The following DDIAS variants were observed in gnomAD, a reference collection of about 807,000 sequenced individuals.
The protein encoded by DDIAS is DNA damage-induced apoptosis suppressor protein.
A neutral mutation model predicts 15.7 loss-of-function variants in DDIAS; 14 were observed. That is an observed-to-expected ratio of 0.89 (90% CI 0.59 to 1.39). The LOEUF (loss-of-function observed/expected upper bound fraction) is 1.39, where lower values mean the gene tolerates loss of function less well. Among genes scored for constraint, DDIAS ranks in the 40% most tolerant of loss-of-function variants. The pLI is 0.00. For missense variants in DDIAS, 1,035 were observed against 1,130.9 expected (o/e 0.92, Z 1.22); for synonymous variants, 355 against 395.9 (o/e 0.90, Z 1.23).
intron 1 of DDIAS, among the ~76,000 whole-genome samples, chr11:82,905,761 C>A (rs1009942020): frequency 6.6e-6 from 1 of 152,134 alleles, no homozygotes; most frequent in African/African-American, 2.4e-5. Flanking sequence ...ACACTATCCC[C>A]ACCTAGCATT....
chr11:82,910,607 T>TCTCTCTC (rs1491398521), intron 1 of DDIAS, among the ~76,000 whole-genome samples: 1 of 22,944 alleles, frequency 4.4e-5, no homozygotes, highest in African/African-American at 3.2e-4. Context: ...TCTCTCTCTC[T>TCTCTCTC]TTTTTTTTTT....
intron 4 of DDIAS, among the ~76,000 whole-genome samples, chr11:82,929,249 G>T (rs1022766770): frequency 6.6e-6 from 1 of 152,206 alleles, no homozygotes; most frequent in Non-Finnish European, 1.5e-5. Context: ...CCAAATTGAG[G>T]TTAGCATTGA....
chr11:82,924,398 G>T (rs1402033377), intron 3 of DDIAS, among the ~76,000 whole-genome samples: 1 of 152,118 alleles, frequency 6.6e-6, no homozygotes, highest in Non-Finnish European at 1.5e-5. Context: ...GTTTTTTGTG[G>T]GGAGAGAGTG....
chr11:82,925,434 C>T (rs1860838869), intron 3 of DDIAS, among the ~76,000 whole-genome samples: 1 of 151,986 alleles, frequency 6.6e-6, no homozygotes, highest in Admixed American at 6.6e-5. Context: ...CCCATCTCTA[C>T]AAAAAAATTT....
At chr11:82,917,829 T>G (rs1205803779) in intron 3 of DDIAS, among the ~76,000 whole-genome samples, 2 of 152,214 alleles carry the variant, frequency 1.3e-5, no homozygotes, top group African/African-American at 4.8e-5. Context: ...ATTTTTTGAT[T>G]ATGGCCATTC....
chr11:82,932,038 A>G lies in DDIAS; in HGVS notation c.700A>G (p.Thr234Ala), dbSNP rs1043930301. The part of the protein sequence containing the change: ...SDFFKSCSKD[T>A]FSKFWQPSLE... ...TTTTTTCAAGTCCTGCAGCAAGGAT[A>G]CTTTTTCAAAATTCTGGCAGCCATC... Residue 234 changes from threonine to alanine, a missense_variant, in exon 6 of 6, where the codon ACT becomes GCT. Transcript: ENST00000533655. 4.3e-6 allele frequency: 7 copies of G among 1,614,154 alleles called. No individual in the cohort carries two copies. Among genetic ancestry groups the G allele is most frequent in the Non-Finnish European group, 5.9e-6 (7 of 1,180,022 alleles).
Position 82,934,480 on chromosome 11 carries a change from T to C in DDIAS, c.*145T>C. The stretch of plus-strand genomic sequence containing the variant: ...CTCTGCTGGGAGCTACTGTGCCTTT[T>C]AAAATATAAAGCCATTGTTTTCCCC... On this transcript the variant is annotated 3_prime_UTR_variant, in exon 6 of 6. Coordinates refer to ENST00000533655, the MANE Select transcript of DDIAS (RefSeq NM_145018.4). 1 of 769,192 alleles carries C rather than the reference T, an allele frequency of 1.3e-6. No homozygotes were observed. Among genetic ancestry groups the C allele is most frequent in the Non-Finnish European group, 1.9e-6 (1 of 513,866 alleles). 47.6% of individuals were successfully genotyped at this position (769,192 alleles called of 1,614,324 possible).
At chr11:82,913,578 A>G in intron 2 of DDIAS, 192 bp downstream of exon 2, 2 of 346,978 alleles carry the variant, frequency 5.8e-6, no homozygotes, top group Non-Finnish European at 1.1e-5. Context: ...ATATTAAAAC[A>G]CTTTGAGCTA....
Position 82,932,879 on chromosome 11 carries a change from A to G in DDIAS, c.1541A>G (p.Asp514Gly). ...AGTGTTGAAAAGGAGTCACAACCAG[A>G]TAACAAAGTAGAGGCTGTCTCTGTA... Reference protein sequence around the residue: ...SPSVEKESQPDNKVEAVSVNH... With the variant: ...SPSVEKESQPGNKVEAVSVNH... The change falls in exon 6 of 6, where the codon GAT becomes GGT. Residue 514 changes from aspartate (D) to glycine (G), a missense_variant. Asp to Gly is a moderately conservative substitution (Grantham distance 94). Coordinates refer to ENST00000533655, the MANE Select transcript of DDIAS (RefSeq NM_145018.4). 1 of 1,613,342 alleles carries G rather than the reference A, an allele frequency of 6.2e-7. No homozygotes were observed. The highest frequency in any genetic ancestry group is 8.5e-7 in the Non-Finnish European group (1 of 1,179,820).
rs201671760 is a variant in DDIAS, at chr11:82,933,403, A to G, written c.2065A>G (p.Ile689Val). Reference protein sequence around the residue: ...LFDDIAKEMDIATEITKKSQD... With the variant: ...LFDDIAKEMDVATEITKKSQD... ...TGATGATATTGCTAAAGAAATGGAC[A>G]TTGCAACTGAGATTACCAAAAAATC... Residue 689 changes from isoleucine to valine, a missense_variant, in exon 6 of 6, where the codon ATT (isoleucine) becomes GTT (valine). Physicochemically the swap from Ile to Val is conservative, Grantham distance 29. Transcript: ENST00000533655. 1.1e-4 allele frequency: 172 copies of G among 1,613,906 alleles called. No individual in the cohort carries two copies. The highest frequency in any genetic ancestry group is 1.7e-4 in the Middle Eastern group (1 of 6,060).
At chr11:82,929,319 A>G (rs544063468) in intron 4 of DDIAS, among the ~76,000 whole-genome samples, 6 of 152,324 alleles carry the variant, frequency 3.9e-5, no homozygotes, top group Admixed American at 3.9e-4. Context: ...CATTTCAGAA[A>G]TTGAAATTTT....
intron 3 of DDIAS, among the ~76,000 whole-genome samples, chr11:82,918,216 T>C (rs1860669837): frequency 6.6e-6 from 1 of 152,206 alleles, no homozygotes; most frequent in Non-Finnish European, 1.5e-5. Flanking sequence ...AATGTTATCT[T>C]CTAGAATTTT....
chr11:82,927,817 T>C (rs185964037), intron 3 of DDIAS, among the ~76,000 whole-genome samples: 1 of 152,322 alleles, frequency 6.6e-6, no homozygotes, highest in East Asian at 1.9e-4. Flanking sequence ...AGACTAACAC[T>C]AATTTCACAG....
rs530461997 is a variant in DDIAS at position 82,914,636 on chromosome 11, G to A, written c.-16-87G>A. The A allele has an allele frequency of 2.7e-4, 166 of 617,358 alleles. 1 individual carries two copies. Among genetic ancestry groups the A allele is most frequent in the Non-Finnish European group, 4.4e-4 (155 of 351,492 alleles). The allele number at this position is 617,358 out of a possible 1,614,324, so 38.2% of individuals were successfully genotyped here. A position where few individuals can be genotyped will look rare whatever the true frequency, so the allele number is the denominator to read the frequency against. On this transcript the variant is annotated intron_variant, in intron 2 of 5. Transcript: ENST00000533655. ...ACAAATGACATCTATTAGCTTTGCAGTAGAGGTTAAGTGGTTTTCCTAAGA... is the reference window on the plus strand; with the variant it reads ...ACAAATGACATCTATTAGCTTTGCAATAGAGGTTAAGTGGTTTTCCTAAGA...
Position 82,933,558 on chromosome 11 carries a change from T to C in DDIAS, c.2220T>C (p.Ser740=). Residue 740 remains serine, a synonymous_variant, in exon 6 of 6, where the codon TCT becomes TCC. Transcript: ENST00000533655. ...PSQKLSLQSL[S]DSRHSRTCSP... is the part of the protein sequence containing the mutation. ...AAAAATTATCCTTGCAAAGCCTATC[T>C]GACTCTAGGCATTCAAGAACATGCT... The C allele has an allele frequency of 1.9e-6, 3 of 1,614,146 alleles. No individual in the cohort carries two copies. The highest frequency in any genetic ancestry group is 2.5e-6 in the Non-Finnish European group (3 of 1,179,982).
In DDIAS at chr11:82,919,945, G is replaced by A. The variant is rs553508944; in HGVS notation, c.113+5094G>A. Reference sequence around the variant, plus strand: ...TCACGGTGTTAGCCAGGATGGTCTCGATCTCCTAACCTCATGATCCGCCCA... The same window carrying A: ...TCACGGTGTTAGCCAGGATGGTCTCAATCTCCTAACCTCATGATCCGCCCA... On this transcript the variant is annotated intron_variant, in intron 3 of 5. Coordinates refer to ENST00000533655, the MANE Select transcript of DDIAS (RefSeq NM_145018.4). Among the ~76,000 whole-genome samples, 21 of 152,172 alleles carry A rather than the reference G, an allele frequency of 1.4e-4. No homozygotes were observed. The East Asian group carries it at 2.1e-3, about 15-fold the overall frequency.
rs78332399 is a variant in DDIAS, at chr11:82,934,608, T to C, written c.*273T>C. 0.081 allele frequency: 24,519 copies of C among 300,852 alleles called. 1,138 individuals are homozygous for C. The highest frequency in any genetic ancestry group is 0.14 in the Middle Eastern group (147 of 1,068). 18.6% of individuals were successfully genotyped at this position (300,852 alleles called of 1,614,324 possible). On this transcript the variant is annotated 3_prime_UTR_variant, in exon 6 of 6. Coordinates refer to ENST00000533655, the MANE Select transcript of DDIAS (RefSeq NM_145018.4). Reference sequence around the variant, plus strand: ...TTAAGATTGTTTTTGAAAGTATTAATGTTTGTTAAAATCACATATACATCC... The same window carrying C: ...TTAAGATTGTTTTTGAAAGTATTAACGTTTGTTAAAATCACATATACATCC...
chr11:82,915,843 A>C (rs990950188), intron 3 of DDIAS, among the ~76,000 whole-genome samples: 7 of 152,186 alleles, frequency 4.6e-5, no homozygotes, highest in Non-Finnish European at 8.8e-5. Context: ...TTTGCCTTTC[A>C]TCAAAATCTG....
chr11:82,930,118 G>GT, intron 4 of DDIAS, 39 bp from the exon 5 acceptor site: 2 of 1,250,188 alleles, frequency 1.6e-6, no homozygotes, highest in South Asian at 2.7e-5. Flanking sequence ...AAATTTCAAA[G>GT]TTCATTGCTT....
Sources: gnomAD v4.1 joint callset for allele counts (sites outside exome capture counted in the v4.1 genomes callset) on GRCh38, gnomAD v4.1.1 for gene constraint, MANE v1.5 for transcripts, NCBI Gene and HGNC (gene_info 2026-07-23, HGNC 2026-07-21) for gene names.